FAM13A: variants seen among roughly 807,000 people sequenced by gnomAD.
FAM13A encodes protein FAM13A.
In FAM13A, 76 loss-of-function variants were observed where a neutral mutation model predicts 129.6. The ratio of observed to expected loss-of-function variants is 0.59; its 90% CI spans 0.49 to 0.71. The LOEUF is 0.71. Among genes scored for constraint, FAM13A ranks in the 30% least tolerant of loss-of-function variants. The pLI is 0.00. For missense variants in FAM13A, 1,108 were observed against 1,249.3 expected, an observed-to-expected ratio of 0.89 and a Z score of 1.70; for synonymous variants, 443 against 449.9, an observed-to-expected ratio of 0.98 and a Z score of 0.20.
chr4:89,027,945 C>T (rs1560864658), intron 2 of FAM13A, among the ~76,000 whole-genome samples: 1 of 151,822 alleles, frequency 6.6e-6, no homozygotes, highest in Non-Finnish European at 1.5e-5. Flanking sequence ...TGGCTTAGGC[C>T]TGGAATCTCA....
intron 5 of FAM13A, among the ~76,000 whole-genome samples, chr4:88,923,766 CCT>C (rs1185535943): frequency 1.3e-5 from 2 of 152,014 alleles, no homozygotes; most frequent in Non-Finnish European, 2.9e-5. Context: ...TCAAAGTGTC[CCT>C]GTTTGCAGAT....
chr4:88,940,333 T>C (rs1754541763), intron 4 of FAM13A, among the ~76,000 whole-genome samples: 1 of 144,946 alleles, frequency 6.9e-6, no homozygotes, highest in South Asian at 2.2e-4. Flanking sequence ...GAGACCCTTG[T>C]GATGGTGGCA....
chr4:88,988,108 A>T (rs191487959), intron 4 of FAM13A, among the ~76,000 whole-genome samples: 2 of 152,310 alleles, frequency 1.3e-5, no homozygotes, highest in Admixed American at 1.3e-4. Context: ...ACAAACTTGC[A>T]CATCCTGCAC....
At chr4:88,788,837 CTG>C (rs1724525919) in intron 9 of FAM13A, among the ~76,000 whole-genome samples, 1 of 152,060 alleles carries the variant, frequency 6.6e-6, no homozygotes, top group African/African-American at 2.4e-5. Flanking sequence ...CTTAAATAAA[CTG>C]TGTTTTGAGA....
chr4:88,883,613 C>T (rs762389268), intron 6 of FAM13A, among the ~76,000 whole-genome samples: 1 of 151,774 alleles, frequency 6.6e-6, no homozygotes, highest in African/African-American at 2.4e-5. Flanking sequence ...ACTGGAGAAA[C>T]AAGAACAAAC....
intron 6 of FAM13A, among the ~76,000 whole-genome samples, chr4:88,876,487 G>A (rs10516823): frequency 0.094 from 14,221 of 152,034 alleles, 704 homozygotes; most frequent in East Asian, 0.13. Context: ...AATAAAAAAC[G>A]ATGTAAAACA....
chr4:88,762,889 A>C (rs1378434623), intron 13 of FAM13A, among the ~76,000 whole-genome samples: 1 of 152,208 alleles, frequency 6.6e-6, no homozygotes, highest in Non-Finnish European at 1.5e-5. Flanking sequence ...ATCACAAAGT[A>C]AATTAATTTC....
intron 2 of FAM13A, among the ~76,000 whole-genome samples, chr4:89,025,343 C>T (rs1381853968): frequency 7.0e-6 from 1 of 143,412 alleles, no homozygotes; most frequent in African/African-American, 2.6e-5. Flanking sequence ...CGGCTCACTG[C>T]AAGCTCCGCT....
At chr4:88,913,586 A>G (rs1247110210) in intron 5 of FAM13A, among the ~76,000 whole-genome samples, 6 of 152,250 alleles carry the variant, frequency 3.9e-5, no homozygotes, top group South Asian at 4.1e-4. Context: ...AAAGAAGAAG[A>G]AGGCGGCAAA....
At chr4:89,052,711 T>C (rs945525635) in intron 1 of FAM13A, among the ~76,000 whole-genome samples, 2 of 152,120 alleles carry the variant, frequency 1.3e-5, no homozygotes, top group Non-Finnish European at 2.9e-5. Flanking sequence ...ACTTTTAGTG[T>C]TCCCCACCTA....
chr4:89,021,634 A>G (rs751408149), intron 2 of FAM13A, among the ~76,000 whole-genome samples: 4 of 152,326 alleles, frequency 2.6e-5, no homozygotes, highest in Non-Finnish European at 5.9e-5. Flanking sequence ...CACTGGAGCA[A>G]TAAGTGAGGA....
rs531461004 is a variant in FAM13A at position 88,951,090 on chromosome 4, G to A, written c.606-12849C>T. On this transcript the variant is annotated intron_variant, in intron 4 of 23. Coordinates refer to ENST00000264344, the MANE Select transcript of FAM13A (RefSeq NM_014883.4). The stretch of plus-strand genomic sequence containing the variant: ...AATGGGCTTAAGGGCCAGAACAACC[G>A]TGCCCCTGGGCTGCTGCTGTTTATT... Among the ~76,000 whole-genome samples the A allele has an allele frequency of 2.0e-4, 31 of 152,268 alleles. 1 individual carries two copies. In the South Asian group the frequency reaches 5.4e-3, roughly 26 times the overall value.
At chr4:88,754,493 G>A (rs1207635092) in intron 14 of FAM13A, among the ~76,000 whole-genome samples, 4 of 152,118 alleles carry the variant, frequency 2.6e-5, no homozygotes, top group African/African-American at 7.2e-5. Context: ...CAGAATTAAG[G>A]GGGCCGATGT....
rs547556683 is a variant in FAM13A at position 88,829,048 on chromosome 4, C to G, written c.1007+21972G>C. ...ATATCTGCATTTGCTCTTGTCCTAT[C>G]AAGAGCAACAAAAACCATGTGGCTG... On this transcript the variant is annotated intron_variant, in intron 7 of 23. Transcript: ENST00000264344. 2.0e-5 allele frequency among the ~76,000 whole-genome samples: 3 copies of G among 152,252 alleles called. No individual in the cohort carries two copies. In the East Asian group the frequency reaches 5.8e-4, roughly 29 times the overall value.
At chr4:88,805,795 G>A (rs1475859979) in intron 7 of FAM13A, among the ~76,000 whole-genome samples, 1 of 151,288 alleles carries the variant, frequency 6.6e-6, no homozygotes, top group Non-Finnish European at 1.5e-5. Context: ...CAGCCTCTGG[G>A]GTATCTGGGA....
intron 3 of FAM13A, among the ~76,000 whole-genome samples, chr4:88,996,054 T>C (rs956796163): frequency 2.0e-5 from 3 of 151,988 alleles, no homozygotes; most frequent in African/African-American, 4.8e-5. Flanking sequence ...AAGTGTGTAG[T>C]AGGCAAGGAA....
chr4:89,020,859 T>C (rs1288218485), intron 2 of FAM13A, among the ~76,000 whole-genome samples, 190 bp from the exon 3 acceptor site: 1 of 152,212 alleles, frequency 6.6e-6, no homozygotes, highest in African/African-American at 2.4e-5. Flanking sequence ...CCACTGCATG[T>C]CAGCTTAAAA....
Position 88,957,328 on chromosome 4 carries a change from CA to C in FAM13A, c.606-19088del, listed in dbSNP as rs60306324. Among the ~76,000 whole-genome samples the C allele has an allele frequency of 7.3e-3, 1,053 of 144,530 alleles. 7 individuals carry two copies. Among genetic ancestry groups the C allele is most frequent in the Middle Eastern group, 0.018 (5 of 284 alleles). The allele number at this position is 144,530 out of a possible 152,430, so 94.8% of individuals were successfully genotyped here. The stretch of plus-strand genomic sequence containing the variant: ...TGCATGACAGAGCGAGACTCTGTCT[CA>C]AAAAAAAAAAGTGTGTGGCACCTCC... On this transcript the variant is annotated intron_variant, in intron 4 of 23. Coordinates refer to ENST00000264344, the MANE Select transcript of FAM13A (RefSeq NM_014883.4).
intron 4 of FAM13A, among the ~76,000 whole-genome samples, chr4:88,947,176 A>G (rs1318848591): frequency 4.6e-5 from 7 of 152,190 alleles, no homozygotes; most frequent in African/African-American, 1.4e-4. Context: ...TGAGAGGCTG[A>G]GGTGGGCAGA....
Sources: gnomAD v4.1 joint callset for allele counts (sites outside exome capture counted in the v4.1 genomes callset) on GRCh38, gnomAD v4.1.1 for gene constraint, MANE v1.5 for transcripts, NCBI Gene and HGNC (gene_info 2026-07-23, HGNC 2026-07-21) for gene names.